PLA2G2F: variants seen among roughly 807,000 people sequenced by gnomAD.
PLA2G2F encodes phospholipase A2 group IIF.
Under a neutral mutation model 15.9 loss-of-function variants are expected in PLA2G2F, and 17 were observed. That is an observed-to-expected ratio of 1.07 (90% confidence interval 0.73 to 1.60). The LOEUF (loss-of-function observed/expected upper bound fraction) is 1.60. Ranked by LOEUF, PLA2G2F falls within the 40% of genes most tolerant of loss-of-function variation. The probability of loss-of-function intolerance (pLI) is 0.00; values close to 1 mark genes in which losing one functional copy is unlikely to be tolerated. For missense variants in PLA2G2F, 299 were observed against 278.2 expected (o/e 1.07, Z -0.53); for synonymous variants, 119 against 106.5 (o/e 1.12, Z -0.72).
chr1:20,142,227 G>C lies in PLA2G2F; in HGVS notation c.170-1219G>C, dbSNP rs553806567. ...TGACTGCAGCTAGAATGGCTGGGGT[G>C]GGGGAAGCAGGCGGAGCTGCACTGC... On this transcript the variant is annotated intron_variant, in intron 2 of 4. Coordinates refer to ENST00000375102, the MANE Select transcript of PLA2G2F (RefSeq NM_022819.4). The C allele has an allele frequency of 6.6e-5, 10 of 152,648 alleles. No homozygotes were observed. The East Asian group carries it at 1.9e-3, about 29-fold the overall frequency. The allele number at this position is 152,648 out of a possible 1,614,324, so 9.5% of individuals were successfully genotyped here.
rs927054609 is a variant in PLA2G2F, at chr1:20,144,800, G to T, written c.424+111G>T. ...CAGATTAAATACAGGCTGCCAGCCG[G>T]GTGCGGTGGCTCATGCCTGTAATCC... On this transcript the variant is annotated intron_variant, in intron 4 of 4. Coordinates refer to ENST00000375102, the MANE Select transcript of PLA2G2F (RefSeq NM_022819.4). 2.0e-5 allele frequency: 19 copies of T among 950,264 alleles called. No homozygotes were observed. In the African/African-American group the frequency reaches 2.9e-4, roughly 15 times the overall value. 58.9% of individuals were successfully genotyped at this position (950,264 alleles called of 1,614,324 possible).
intron 2 of PLA2G2F, chr1:20,140,516 A>C: frequency 8.1e-6 from 3 of 369,424 alleles, no homozygotes; most frequent in East Asian, 1.0e-4. Context: ...GTGTGTGTCC[A>C]TCAGACTGGA....
chr1:20,139,611 C>T (rs2017419588), intron 1 of PLA2G2F, 68 bp downstream of exon 1: 2 of 1,187,446 alleles, frequency 1.7e-6, no homozygotes, highest in Non-Finnish European at 1.2e-6. Context: ...GGGACTGGCT[C>T]CTAGAATCCC....
At chr1:20,143,795 C>A in intron 3 of PLA2G2F, 1 of 618,894 alleles carries the variant, frequency 1.6e-6, no homozygotes, top group Non-Finnish European at 2.7e-6. Context: ...ATCTCCAAGG[C>A]CATGGGCTTG....
At chr1:20,142,005 G>A (rs1045739887) in intron 2 of PLA2G2F, 17 of 152,296 alleles carry the variant, frequency 1.1e-4, no homozygotes, top group African/African-American at 4.1e-4. Context: ...CATTGAGGTG[G>A]TGAGTTCCCT....
intron 2 of PLA2G2F, chr1:20,143,190 T>C (rs1569896068): frequency 2.2e-6 from 1 of 457,990 alleles, no homozygotes; most frequent in East Asian, 3.6e-5. Flanking sequence ...AGCAAGTCCC[T>C]AGCAAGGATG....
rs766391884 is a variant in PLA2G2F at position 20,149,047 on chromosome 1, G to A, written c.*646G>A. ...GTCCCAGCCCTGAAGTCTAGCCTCA[G>A]AGCAGGCTCCTGGGCACTGACAGAG... is the stretch of plus-strand genomic sequence containing the variant. On this transcript the variant is annotated 3_prime_UTR_variant, in exon 5 of 5. Transcript: ENST00000375102. The A allele has an allele frequency of 1.3e-5, 2 of 153,038 alleles. No individual in the cohort carries two copies. Among genetic ancestry groups the A allele is most frequent in the African/African-American group, 4.8e-5 (2 of 41,436 alleles). The allele number at this position is 153,038 out of a possible 1,614,324, so 9.5% of individuals were successfully genotyped here.
At chr1:20,147,178 A>T (rs2017630504) in intron 4 of PLA2G2F, among the ~76,000 whole-genome samples, 1 of 152,220 alleles carries the variant, frequency 6.6e-6, no homozygotes. Flanking sequence ...TGCAGCACCC[A>T]GGAACTTGTT....
chr1:20,139,362 C>G lies in PLA2G2F; in HGVS notation c.-66C>G. On this transcript the variant is annotated 5_prime_UTR_variant, in exon 1 of 5. Transcript: ENST00000375102. ...CAGCGTGAAGCTGGGGCCTGCTCCC[C>G]GCAGCCTCTGGAGCGCATCTCAGAC... The G allele has an allele frequency of 7.8e-7, 1 of 1,283,450 alleles. No individual in the cohort carries two copies. Among genetic ancestry groups the G allele is most frequent in the South Asian group, 1.3e-5 (1 of 78,190 alleles). The allele number at this position is 1,283,450 out of a possible 1,614,324, so 79.5% of individuals were successfully genotyped here.
intron 4 of PLA2G2F, among the ~76,000 whole-genome samples, chr1:20,146,496 T>A (rs1178665791): frequency 5.9e-5 from 9 of 152,150 alleles, no homozygotes; most frequent in African/African-American, 1.9e-4. Context: ...GCAAGTGGCA[T>A]CCAAGTAGCA....
chr1:20,148,428 G>T lies in PLA2G2F; in HGVS notation c.*27G>T. 6.3e-7 allele frequency: 1 copy of T among 1,579,988 alleles called. No individual in the cohort carries two copies. The highest frequency in any genetic ancestry group is 8.7e-7 in the Non-Finnish European group (1 of 1,151,206). On this transcript the variant is annotated 3_prime_UTR_variant, in exon 5 of 5. Coordinates refer to ENST00000375102, the MANE Select transcript of PLA2G2F (RefSeq NM_022819.4). ...GCCTCTGAGGTTTGAGAGAGAGAGC[G>T]GGAGGAGGGTCTGGCTTGGGGACCA...
chr1:20,139,947 G>C (rs1038107130), intron 1 of PLA2G2F, among the ~76,000 whole-genome samples: 2 of 152,106 alleles, frequency 1.3e-5, no homozygotes, highest in Non-Finnish European at 2.9e-5. Context: ...GCCAGAGTGG[G>C]GGGCAAGGAG....
Position 20,148,737 on chromosome 1 carries a change from T to C in PLA2G2F, c.*336T>C, listed in dbSNP as rs911288059. ...CCTCTGTTGCTGGCGCCAGTTTAACTCCCCGGAGCCTTAGAAAGTCTGAGC... is the reference window on the plus strand; with the variant it reads ...CCTCTGTTGCTGGCGCCAGTTTAACCCCCCGGAGCCTTAGAAAGTCTGAGC... On this transcript the variant is annotated 3_prime_UTR_variant, in exon 5 of 5. Coordinates refer to ENST00000375102, the MANE Select transcript of PLA2G2F (RefSeq NM_022819.4). 2 of 314,324 alleles carry C rather than the reference T, an allele frequency of 6.4e-6. No individual in the cohort carries two copies. The highest frequency in any genetic ancestry group is 1.2e-5 in the Non-Finnish European group (2 of 167,718). 19.5% of individuals were successfully genotyped at this position (314,324 alleles called of 1,614,324 possible). A position where few individuals can be genotyped will look rare whatever the true frequency, so the allele number is the denominator to read the frequency against.
chr1:20,146,316 G>C (rs57352273), intron 4 of PLA2G2F, among the ~76,000 whole-genome samples: 3 of 152,174 alleles, frequency 2.0e-5, no homozygotes, highest in Admixed American at 2.0e-4. Context: ...GGATCAGAGC[G>C]GACTCTTTCT....
At chr1:20,143,408 G>C (rs368739561) in intron 2 of PLA2G2F, 38 bp from the exon 3 acceptor site, 2 of 1,601,812 alleles carry the variant, frequency 1.2e-6, no homozygotes, top group Non-Finnish European at 1.7e-6. Flanking sequence ...GGCCAGCCCC[G>C]GGGCAGGGGC....
intron 4 of PLA2G2F, among the ~76,000 whole-genome samples, chr1:20,146,516 T>A (rs2100696313): frequency 6.6e-6 from 1 of 152,286 alleles, no homozygotes; most frequent in African/African-American, 2.4e-5. Context: ...AGCGCCCAGG[T>A]GTCCCTGCCC....
At position 20,143,520 on chromosome 1, in the gene PLA2G2F, C is replaced by T. The variant is rs1364278607; in HGVS notation, c.244C>T (p.Leu82=). 3 of 1,614,086 alleles carry T rather than the reference C, an allele frequency of 1.9e-6. No homozygotes were observed. Among genetic ancestry groups the T allele is most frequent in the Admixed American group, 1.7e-5 (1 of 60,016 alleles). ...VEAVTGRSAI[L]SFVGYGCYCG... ...GGCCGTCACAGGGAGGAGCGCCATCCTGTCCTTCGTGGGCTACGGTTGCTA... is the reference window on the plus strand; with the variant it reads ...GGCCGTCACAGGGAGGAGCGCCATCTTGTCCTTCGTGGGCTACGGTTGCTA... The change falls in exon 3 of 5, where the codon CTG becomes TTG. Residue 82 remains leucine, a synonymous_variant. Transcript: ENST00000375102.
intron 4 of PLA2G2F, among the ~76,000 whole-genome samples, chr1:20,147,056 G>GT (rs753881773): frequency 3.3e-4 from 50 of 152,144 alleles, no homozygotes; most frequent in Non-Finnish European, 6.8e-4. Context: ...TCTTTAAAGA[G>GT]TTTCGTTTAA....
In PLA2G2F at chr1:20,144,637, C is replaced by G. The variant is rs1455638446; in HGVS notation, c.372C>G (p.Pro124=). ...AACTCTTTGACCAAGGCTGTCACCC[C>G]TATGTGGACCACTATGATCACACCA... The part of the protein sequence containing the change: ...YQELFDQGCH[P]YVDHYDHTIE... Residue 124 remains proline (P), a synonymous_variant, in exon 4 of 5, where the codon CCC becomes CCG. Coordinates refer to ENST00000375102, the MANE Select transcript of PLA2G2F (RefSeq NM_022819.4). 2.5e-6 allele frequency: 4 copies of G among 1,612,266 alleles called. No individual in the cohort carries two copies. In the Admixed American group the frequency reaches 5.0e-5, roughly 20 times the overall value.
Sources: allele counts gnomAD v4.1 joint callset (sites outside exome capture counted in the v4.1 genomes callset), GRCh38; gene constraint gnomAD v4.1.1; transcripts MANE v1.5; gene names NCBI Gene and HGNC (gene_info 2026-07-23, HGNC 2026-07-21).